Variants in KCNMA1 observed in about 807,000 individuals in gnomAD.
The protein encoded by KCNMA1 is potassium calcium-activated channel subfamily M alpha 1, also known as Calcium-activated potassium channel subunit alpha-1.
Under a neutral mutation model 140.0 loss-of-function variants are expected in KCNMA1, and 29 were observed. That is an observed-to-expected ratio of 0.21 (90% confidence interval 0.15 to 0.28). The LOEUF is 0.28. Ranked by LOEUF, KCNMA1 falls within the 10% of genes least tolerant of loss-of-function variation. The pLI, the probability that KCNMA1 is intolerant of heterozygous loss-of-function variation, is 1.00. For synonymous variants in KCNMA1, 612 were observed against 611.9 expected (o/e 1.00, Z 0.00); for missense variants, 880 against 1,602.2 (o/e 0.55, Z 7.70).
At chr10:77,540,552 G>C (rs901888131) in intron 1 of KCNMA1, among the ~76,000 whole-genome samples, 7 of 152,224 alleles carry the variant, frequency 4.6e-5, no homozygotes, top group South Asian at 4.1e-4. Flanking sequence ...GCTGGCAGTA[G>C]TAAGACTAGC....
intron 1 of KCNMA1, among the ~76,000 whole-genome samples, chr10:77,605,511 T>G (rs1412140788): frequency 6.6e-6 from 1 of 152,188 alleles, no homozygotes; most frequent in African/African-American, 2.4e-5. Context: ...GGGCTGTCAG[T>G]GCTCAAAGGG....
chr10:76,945,447 GC>G (rs2063658649), intron 22 of KCNMA1, among the ~76,000 whole-genome samples: 1 of 152,118 alleles, frequency 6.6e-6, no homozygotes, highest in Non-Finnish European at 1.5e-5. Flanking sequence ...AGGAGAAATG[GC>G]CAGTGAGCAC....
intron 5 of KCNMA1, among the ~76,000 whole-genome samples, chr10:77,128,479 A>G (rs1313526555): frequency 2.0e-5 from 3 of 149,810 alleles, no homozygotes; most frequent in Non-Finnish European, 4.4e-5. Context: ...GTACATTTAA[A>G]TCACCTGGGA....
chr10:77,521,090 TA>T (rs1253014262), intron 1 of KCNMA1, among the ~76,000 whole-genome samples: 1 of 152,196 alleles, frequency 6.6e-6, no homozygotes, highest in Non-Finnish European at 1.5e-5. Context: ...AGCTTTAAAC[TA>T]AGTGTGACAG....
chr10:77,035,086 A>C (rs12255556), intron 15 of KCNMA1, among the ~76,000 whole-genome samples: 2,319 of 152,236 alleles, frequency 0.015, 80 homozygotes, highest in African/African-American at 0.052. Flanking sequence ...AGTTTCCCCC[A>C]AAAAAATCAC....
chr10:77,009,119 G>A (rs1320424269), intron 18 of KCNMA1, among the ~76,000 whole-genome samples: 1 of 152,184 alleles, frequency 6.6e-6, no homozygotes, highest in Non-Finnish European at 1.5e-5. Flanking sequence ...AGAAGCTGAG[G>A]TTGGGGGAGG....
intron 1 of KCNMA1, among the ~76,000 whole-genome samples, chr10:77,558,778 C>A (rs772733559): frequency 6.6e-6 from 1 of 152,134 alleles, no homozygotes; most frequent in Non-Finnish European, 1.5e-5. Flanking sequence ...AGGCAGATGG[C>A]GCAAAATAAA....
intron 2 of KCNMA1, among the ~76,000 whole-genome samples, chr10:77,387,116 A>G (rs1168890957): frequency 6.6e-6 from 1 of 152,232 alleles, no homozygotes; most frequent in Admixed American, 6.5e-5. Flanking sequence ...GAGAGTGGAC[A>G]TAACAAACAG....
At chr10:77,188,912 G>C (rs1389947915) in intron 3 of KCNMA1, among the ~76,000 whole-genome samples, 1 of 152,072 alleles carries the variant, frequency 6.6e-6, no homozygotes, top group Admixed American at 6.6e-5. Flanking sequence ...TCATCTCCAA[G>C]AGGGAAGGAT....
intron 1 of KCNMA1, among the ~76,000 whole-genome samples, chr10:77,631,762 C>A (rs1015910651): frequency 1.3e-5 from 2 of 152,164 alleles, no homozygotes; most frequent in African/African-American, 4.8e-5. Flanking sequence ...TTTGGACTTA[C>A]CATTGGAATG....
rs959811972 is a variant in KCNMA1, at chr10:77,295,336, A to G, written c.541-44080T>C. ...CACTCTAGCCTGGACAACAAGAGTGAAACTCGGTCTCAAAAAAAAAAAAGA... is the reference window on the plus strand; with the variant it reads ...CACTCTAGCCTGGACAACAAGAGTGGAACTCGGTCTCAAAAAAAAAAAAGA... On this transcript the variant is annotated intron_variant, in intron 2 of 27. Transcript: ENST00000286628. 3.4e-4 allele frequency among the ~76,000 whole-genome samples: 51 copies of G among 148,176 alleles called. 2 individuals carry two copies. The highest frequency in any genetic ancestry group is 1.7e-3 in the South Asian group (8 of 4,684).
At chr10:77,365,627 C>T (rs536273866) in intron 2 of KCNMA1, among the ~76,000 whole-genome samples, 12 of 152,324 alleles carry the variant, frequency 7.9e-5, no homozygotes, top group African/African-American at 2.2e-4. Context: ...TTTATGGCCA[C>T]GTTTTGTTTC....
At chr10:77,502,546 C>G (rs1425071627) in intron 1 of KCNMA1, among the ~76,000 whole-genome samples, 1 of 152,166 alleles carries the variant, frequency 6.6e-6, no homozygotes, top group East Asian at 1.9e-4. Flanking sequence ...GCTGAGTCCT[C>G]AGACTTTCAG....
chr10:77,308,838 A>C (rs2078513967), intron 2 of KCNMA1, among the ~76,000 whole-genome samples: 1 of 152,186 alleles, frequency 6.6e-6, no homozygotes, highest in Non-Finnish European at 1.5e-5. Flanking sequence ...TGAGATCCTC[A>C]TGAGAAAGAA....
chr10:77,255,861 C>T (rs1285206729), intron 2 of KCNMA1, among the ~76,000 whole-genome samples: 2 of 149,152 alleles, frequency 1.3e-5, no homozygotes, highest in Non-Finnish European at 3.0e-5. Flanking sequence ...TGCAGTTAGC[C>T]GAGATGGTGC....
intron 2 of KCNMA1, among the ~76,000 whole-genome samples, chr10:77,397,304 C>A (rs2096089960): frequency 6.6e-6 from 1 of 152,146 alleles, no homozygotes; most frequent in African/African-American, 2.4e-5. Flanking sequence ...ACTGAGTCAG[C>A]AAACTATGGT....
At chr10:77,369,006 A>G (rs1311250314) in intron 2 of KCNMA1, among the ~76,000 whole-genome samples, 1 of 152,182 alleles carries the variant, frequency 6.6e-6, no homozygotes, top group African/African-American at 2.4e-5. Flanking sequence ...CTTTTTCAAA[A>G]TTATTTTACC....
At chr10:77,558,039 T>C (rs1031814471) in intron 1 of KCNMA1, among the ~76,000 whole-genome samples, 1 of 152,202 alleles carries the variant, frequency 6.6e-6, no homozygotes, top group African/African-American at 2.4e-5. Context: ...TATGAATTAA[T>C]AATAAATTAC....
chr10:76,878,701 G>A (rs1392217392), intron 29 of KCNMA1, among the ~76,000 whole-genome samples: 2 of 152,106 alleles, frequency 1.3e-5, no homozygotes, highest in Non-Finnish European at 1.5e-5. Flanking sequence ...TACAGAAATG[G>A]CTGAGAGAGA....
Sources: allele counts gnomAD v4.1 joint callset (sites outside exome capture counted in the v4.1 genomes callset), GRCh38; gene constraint gnomAD v4.1.1; transcripts MANE v1.5; gene names NCBI Gene and HGNC (gene_info 2026-07-23, HGNC 2026-07-21).